PLXNA4: variants seen among roughly 807,000 people sequenced by gnomAD.
The protein encoded by PLXNA4 is plexin-A4.
PLXNA4 carries 44 observed loss-of-function variants against 191.8 expected under a neutral mutation model. The ratio of observed to expected loss-of-function variants is 0.23; its 90% CI spans 0.18 to 0.29. The LOEUF is 0.29. PLXNA4 is among the 10% of genes least tolerant of loss of function. PLXNA4 has a pLI of 1.00. For missense variants in PLXNA4, 1,800 were observed against 2,488.8 expected (o/e 0.72, Z 5.89); for synonymous variants, 1,082 against 1,009.5 (o/e 1.07, Z -1.36).
chr7:132,617,647 T>C (rs895522456), intron 2 of PLXNA4, among the ~76,000 whole-genome samples: 2 of 152,212 alleles, frequency 1.3e-5, no homozygotes, highest in East Asian at 3.9e-4. Flanking sequence ...CCATGAAATC[T>C]AAAACACTGA....
intron 3 of PLXNA4, among the ~76,000 whole-genome samples, chr7:132,342,532 A>G (rs1803070852): frequency 6.6e-6 from 1 of 152,132 alleles, no homozygotes; most frequent in Non-Finnish European, 1.5e-5. Flanking sequence ...TTGTTTCTCT[A>G]TCTCAAAGAT....
intron 4 of PLXNA4, among the ~76,000 whole-genome samples, chr7:132,263,217 T>C (rs561462740): frequency 6.6e-6 from 1 of 152,212 alleles, no homozygotes; most frequent in South Asian, 2.1e-4. Flanking sequence ...GGAACTTCTG[T>C]GGAAAGGAAC....
At chr7:132,563,321 C>CT in intron 1 of PLXNA4, among the ~76,000 whole-genome samples, 1 of 110,874 alleles carries the variant, frequency 9.0e-6, no homozygotes, top group Non-Finnish European at 1.8e-5. Flanking sequence ...TCTCTTCCTC[C>CT]TTCTCCTCCT....
In PLXNA4 at chr7:132,218,456, C is replaced by T. The variant is rs144964639; in HGVS notation, c.2097+5071G>A. On this transcript the variant is annotated intron_variant, in intron 9 of 31. Coordinates refer to ENST00000321063, the MANE Select transcript of PLXNA4 (RefSeq NM_020911.2). ...CTTGCAAAGCCTCTCTAGTCTGGTGCCCAGAGAATACAGCTTCAGCAGCAG... is the reference window on the plus strand; with the variant it reads ...CTTGCAAAGCCTCTCTAGTCTGGTGTCCAGAGAATACAGCTTCAGCAGCAG... Among the ~76,000 whole-genome samples the T allele has an allele frequency of 3.0e-3, 460 of 152,246 alleles. 6 individuals carry two copies. Among genetic ancestry groups the T allele is most frequent in the African/African-American group, 0.011 (437 of 41,520 alleles).
chr7:132,217,999 C>A (rs959833017), intron 9 of PLXNA4, among the ~76,000 whole-genome samples: 2 of 139,398 alleles, frequency 1.4e-5, no homozygotes, highest in Non-Finnish European at 3.0e-5. Flanking sequence ...GCCTTCCCTG[C>A]AAGAAGGGAA....
At chr7:132,169,430 T>C (rs1796218846) in intron 21 of PLXNA4, among the ~76,000 whole-genome samples, 1 of 152,114 alleles carries the variant, frequency 6.6e-6, no homozygotes, top group Non-Finnish European at 1.5e-5. Context: ...AGCTCCAAAC[T>C]GGAAACACTC....
chr7:132,221,682 C>T (rs1375341703), intron 9 of PLXNA4, among the ~76,000 whole-genome samples: 1 of 152,160 alleles, frequency 6.6e-6, no homozygotes, highest in African/African-American at 2.4e-5. Context: ...GTATGAGATT[C>T]ACACTCTTAC....
chr7:132,585,655 G>A (rs1331723304), intron 2 of PLXNA4, among the ~76,000 whole-genome samples: 1 of 152,198 alleles, frequency 6.6e-6, no homozygotes, highest in Non-Finnish European at 1.5e-5. Flanking sequence ...TTATGGTTCT[G>A]GAGGTTGGAA....
intron 3 of PLXNA4, among the ~76,000 whole-genome samples, chr7:132,345,366 G>T (rs1463743314): frequency 1.3e-5 from 2 of 152,204 alleles, no homozygotes; most frequent in Non-Finnish European, 2.9e-5. Context: ...CATACCATAT[G>T]TGCATTAAGC....
At chr7:132,320,572 A>G (rs1451858746) in intron 3 of PLXNA4, among the ~76,000 whole-genome samples, 1 of 152,070 alleles carries the variant, frequency 6.6e-6, no homozygotes, top group Non-Finnish European at 1.5e-5. Flanking sequence ...CCACGAACCA[A>G]AGATTCTGCT....
intron 3 of PLXNA4, among the ~76,000 whole-genome samples, chr7:132,466,948 G>T (rs1413505193): frequency 1.3e-5 from 2 of 152,092 alleles, no homozygotes; most frequent in Non-Finnish European, 1.5e-5. Flanking sequence ...TGACTAGAAT[G>T]TTTTCTAACC....
rs760923015 is a variant in PLXNA4, at chr7:132,164,214, G to A, written c.4428C>T (p.Ala1476=). ...KQQMEKGPID[A]ITGEARYSLS... Reference sequence around the variant, plus strand: ...AGGAGTAGCGGGCCTCGCCCGTGATGGCGTCAATGGGGCCCTTCTCCATCT... The same window carrying A: ...AGGAGTAGCGGGCCTCGCCCGTGATAGCGTCAATGGGGCCCTTCTCCATCT... The change falls in exon 24 of 32, where the codon GCC becomes GCT. Residue 1476 remains alanine (A), a synonymous_variant. Transcript: ENST00000321063. 1.2e-6 allele frequency: 2 copies of A among 1,614,242 alleles called. No homozygotes were observed. Among genetic ancestry groups the A allele is most frequent in the East Asian group, 4.5e-5 (2 of 44,876 alleles).
intron 3 of PLXNA4, among the ~76,000 whole-genome samples, chr7:132,461,903 C>T (rs1796520624): frequency 6.6e-6 from 1 of 152,124 alleles, no homozygotes; most frequent in Non-Finnish European, 1.5e-5. Context: ...TGGCAAATGC[C>T]GATCTACTAG....
chr7:132,151,587 A>AG, intron 25 of PLXNA4, among the ~76,000 whole-genome samples: 6 of 65,896 alleles, frequency 9.1e-5, no homozygotes, highest in African/African-American at 1.8e-4. Context: ...AAGGAGGAGG[A>AG]GAAAGGAGGA....
intron 3 of PLXNA4, among the ~76,000 whole-genome samples, chr7:132,381,171 G>T (rs779263031): frequency 1.3e-5 from 2 of 152,206 alleles, no homozygotes; most frequent in African/African-American, 2.4e-5. Context: ...AGGACTGGTT[G>T]GTTTGGTTGT....
At chr7:132,137,673 A>T (rs1795151690) in intron 30 of PLXNA4, among the ~76,000 whole-genome samples, 1 of 142,490 alleles carries the variant, frequency 7.0e-6, no homozygotes, top group Admixed American at 6.9e-5. Flanking sequence ...ATTACAAGGT[A>T]CTTGGAGGCA....
At chr7:132,188,296 T>C (rs890784409) in intron 14 of PLXNA4, among the ~76,000 whole-genome samples, 5 of 152,250 alleles carry the variant, frequency 3.3e-5, no homozygotes, top group Admixed American at 3.3e-4. Context: ...AAAAAAGCTC[T>C]TGACAGCTGG....
At position 132,228,410 on chromosome 7, in the gene PLXNA4, A is replaced by G. The variant is rs768581615; in HGVS notation, c.1664T>C (p.Met555Thr). Residue 555 changes from methionine to threonine, a missense_variant, in exon 6 of 32, where the codon ATG becomes ACG. Met to Thr is a moderately conservative substitution (Grantham distance 81, BLOSUM62 -1). Around this residue, in one of 6 missense-constraint regions of PLXNA4, gnomAD observed 1,397 missense variants for 1,880.4 expected, o/e 0.74. Coordinates refer to ENST00000321063, the MANE Select transcript of PLXNA4 (RefSeq NM_020911.2). ...SKEPRRFASE[M>T]KQCVRLTVHP... ...GACCGTCAGCCGGACACACTGCTTC[A>G]TCTCCGAGGCAAACCTGCGGGGCTC... The G allele has an allele frequency of 1.2e-6, 2 of 1,614,132 alleles. No individual in the cohort carries two copies. Among genetic ancestry groups the G allele is most frequent in the Non-Finnish European group, 8.5e-7 (1 of 1,180,006 alleles).
chr7:132,531,753 C>A (rs1159625134), intron 1 of PLXNA4, among the ~76,000 whole-genome samples: 1 of 152,198 alleles, frequency 6.6e-6, no homozygotes, highest in South Asian at 2.1e-4. Context: ...CTTAACGATG[C>A]ATCAGAATCA....
Sources: gnomAD v4.1 joint callset for allele counts (sites outside exome capture counted in the v4.1 genomes callset) on GRCh38, gnomAD v4.1.1 for gene constraint, gnomAD v4.1.1 regional missense constraint, MANE v1.5 for transcripts, NCBI Gene and HGNC (gene_info 2026-07-23, HGNC 2026-07-21) for gene names.